IMMP2L: variants seen among roughly 807,000 people sequenced by gnomAD.
The protein encoded by IMMP2L is inner mitochondrial membrane peptidase subunit 2, also known as mitochondrial inner membrane protease subunit 2.
A neutral mutation model predicts 19.3 loss-of-function variants in IMMP2L; 18 were observed. The observed-to-expected ratio is 0.93, with a 90% CI of 0.64 to 1.38. IMMP2L has a LOEUF of 1.38. IMMP2L is among the 40% of genes most tolerant of loss of function. The pLI is 0.00. For synonymous variants in IMMP2L, 76 were observed against 73.0 expected (o/e 1.04, Z -0.21); for missense variants, 233 against 218.2 (o/e 1.07, Z -0.43).
chr7:111,493,995 C>T (rs999405759), intron 2 of IMMP2L, among the ~76,000 whole-genome samples: 12 of 151,462 alleles, frequency 7.9e-5, no homozygotes, highest in East Asian at 1.9e-4. Flanking sequence ...AGCAAGACTC[C>T]GTCTCTAAAA....
intron 3 of IMMP2L, among the ~76,000 whole-genome samples, chr7:111,036,130 T>C (rs1326433763): frequency 6.6e-6 from 1 of 152,230 alleles, no homozygotes; most frequent in Non-Finnish European, 1.5e-5. Context: ...TATGGCATTT[T>C]AGAACTAGTA....
intron 3 of IMMP2L, among the ~76,000 whole-genome samples, chr7:111,410,471 T>C (rs1834303424): frequency 6.6e-6 from 1 of 151,486 alleles, no homozygotes; most frequent in African/African-American, 2.4e-5. Flanking sequence ...TGTACATTGT[T>C]CAAATTCAGC....
At chr7:110,864,819 C>T (rs930044414) in intron 5 of IMMP2L, among the ~76,000 whole-genome samples, 5 of 152,008 alleles carry the variant, frequency 3.3e-5, no homozygotes, top group African/African-American at 9.7e-5. Context: ...AATCAGAAGT[C>T]ATAATTTCAG....
chr7:111,168,770 G>A (rs769792709), intron 3 of IMMP2L, among the ~76,000 whole-genome samples: 9 of 151,656 alleles, frequency 5.9e-5, no homozygotes, highest in Admixed American at 6.6e-5. Context: ...TAAATAATCT[G>A]GCCTTTAAAA....
intron 3 of IMMP2L, among the ~76,000 whole-genome samples, chr7:111,241,988 C>T (rs1437431873): frequency 6.6e-6 from 1 of 151,840 alleles, no homozygotes; most frequent in Non-Finnish European, 1.5e-5. Flanking sequence ...CCTGACCCAA[C>T]CATGGAAAAT....
At chr7:111,402,123 AAATAATAATAAT>A (rs59071691) in intron 3 of IMMP2L, among the ~76,000 whole-genome samples, 12,135 of 137,248 alleles carry the variant, frequency 0.088, 653 homozygotes, top group African/African-American at 0.15. Context: ...CCCATCTCAA[AAATAATAATAAT>A]AATAATAATA....
intron 3 of IMMP2L, among the ~76,000 whole-genome samples, chr7:111,312,229 C>T (rs1823600076): frequency 6.6e-6 from 1 of 152,104 alleles, no homozygotes; most frequent in South Asian, 2.1e-4. Flanking sequence ...ACTGGGGAAA[C>T]TGCAGATGAA....
intron 5 of IMMP2L, among the ~76,000 whole-genome samples, chr7:110,867,273 G>C (rs1752824124): frequency 6.6e-6 from 1 of 151,778 alleles, no homozygotes; most frequent in African/African-American, 2.4e-5. Flanking sequence ...CAGAGCTCTG[G>C]GGTCTCTGCC....
intron 5 of IMMP2L, among the ~76,000 whole-genome samples, chr7:110,876,978 C>T (rs1380755258): frequency 2.0e-5 from 3 of 152,074 alleles, no homozygotes; most frequent in Non-Finnish European, 4.4e-5. Context: ...TCACTAGGGT[C>T]AGAGGTTGGC....
chr7:111,523,911 A>T (rs141081908), intron 1 of IMMP2L, among the ~76,000 whole-genome samples: 2 of 152,198 alleles, frequency 1.3e-5, no homozygotes, highest in East Asian at 3.9e-4. Flanking sequence ...GAGTGAAACT[A>T]ATTTCTCTTC....
At chr7:111,391,948 T>C (rs909662554) in intron 3 of IMMP2L, 1 of 703,138 alleles carries the variant, frequency 1.4e-6, no homozygotes, top group African/African-American at 1.7e-5. Flanking sequence ...ACTTCTTCAA[T>C]CTTAGGCTAA....
intron 5 of IMMP2L, among the ~76,000 whole-genome samples, chr7:110,763,497 A>T (rs1798474699): frequency 6.6e-6 from 1 of 152,042 alleles, no homozygotes; most frequent in African/African-American, 2.4e-5. Flanking sequence ...ATACACAACA[A>T]ATTAAATGTT....
chr7:110,744,251 G>T (rs1004317178), intron 5 of IMMP2L, among the ~76,000 whole-genome samples: 1 of 152,168 alleles, frequency 6.6e-6, no homozygotes, highest in African/African-American at 2.4e-5. Flanking sequence ...CCCCAGTCAG[G>T]GACTTATAGA....
chr7:111,298,344 G>A (rs78053679), intron 3 of IMMP2L, among the ~76,000 whole-genome samples: 1 of 152,144 alleles, frequency 6.6e-6, no homozygotes, highest in Non-Finnish European at 1.5e-5. Context: ...AGGGATAGCA[G>A]TACTTGCCAC....
intron 3 of IMMP2L, among the ~76,000 whole-genome samples, chr7:111,481,049 T>C (rs1842140089): frequency 6.6e-6 from 1 of 152,168 alleles, no homozygotes; most frequent in South Asian, 2.1e-4. Flanking sequence ...TTCATACTTA[T>C]CGATAGAGAA....
intron 3 of IMMP2L, among the ~76,000 whole-genome samples, chr7:111,433,422 G>A (rs1488180019): frequency 2.0e-5 from 3 of 151,962 alleles, no homozygotes; most frequent in Non-Finnish European, 2.9e-5. Flanking sequence ...TACACGGATG[G>A]CAGCAGGCAA....
At position 111,069,412 on chromosome 7, in the gene IMMP2L, A is replaced by C. The variant is rs150494064; in HGVS notation, c.240-105847T>G. On this transcript the variant is annotated intron_variant, in intron 3 of 5. Transcript: ENST00000405709. ...ACTAATCTATAACAATAGGACATAA[A>C]GAGAACTGAAACTGAGTGAGTTTTT... 2.3e-3 allele frequency among the ~76,000 whole-genome samples: 351 copies of C among 152,342 alleles called. 1 individual carries two copies. Among genetic ancestry groups the C allele is most frequent in the African/African-American group, 8.0e-3 (334 of 41,574 alleles).
At chr7:111,498,029 G>C (rs1761740494) in intron 2 of IMMP2L, among the ~76,000 whole-genome samples, 1 of 151,854 alleles carries the variant, frequency 6.6e-6, no homozygotes, top group Non-Finnish European at 1.5e-5. Flanking sequence ...TAAGCACTAA[G>C]CAATGAATTG....
chr7:110,766,232 T>G (rs953695753), intron 5 of IMMP2L, among the ~76,000 whole-genome samples: 1 of 152,164 alleles, frequency 6.6e-6, no homozygotes, highest in Non-Finnish European at 1.5e-5. Flanking sequence ...TTCTGACTAA[T>G]TTCTGGCTCT....
Sources: gnomAD v4.1 joint callset for allele counts (sites outside exome capture counted in the v4.1 genomes callset) on GRCh38, gnomAD v4.1.1 for gene constraint, MANE v1.5 for transcripts, NCBI Gene and HGNC (gene_info 2026-07-23, HGNC 2026-07-21) for gene names.